Variants in RBFOX1 observed in about 807,000 individuals in gnomAD.
RBFOX1 encodes RNA binding fox-1 homolog 1, also known as RNA binding protein fox-1 homolog 1.
A neutral mutation model predicts 57.7 loss-of-function variants in RBFOX1; 8 were observed. The observed-to-expected ratio is 0.14, with a 90% CI of 0.08 to 0.25. The LOEUF (loss-of-function observed/expected upper bound fraction) is 0.25, where lower values mean the gene tolerates loss of function less well. Ranked by LOEUF, RBFOX1 falls within the 10% of genes least tolerant of loss-of-function variation. The pLI, the probability that RBFOX1 is intolerant of heterozygous loss-of-function variation, is 1.00. For synonymous variants in RBFOX1, 326 were observed against 222.4 expected (o/e 1.47, Z -4.15); for missense variants, 611 against 548.5 (o/e 1.11, Z -1.14).
At chr16:6,954,415 G>A (rs1175449181) in intron 3 of RBFOX1, among the ~76,000 whole-genome samples, 2 of 152,184 alleles carry the variant, frequency 1.3e-5, no homozygotes, top group East Asian at 1.9e-4. Flanking sequence ...TGCATTTAAT[G>A]ATTGGCATTT....
At chr16:5,802,570 A>C (rs888238029) in intron 3 of RBFOX1, among the ~76,000 whole-genome samples, 2 of 152,122 alleles carry the variant, frequency 1.3e-5, no homozygotes, top group African/African-American at 4.8e-5. Context: ...CTACGGGGAG[A>C]AAGTTTTCAG....
At chr16:7,590,582 G>A (rs531668335) in intron 7 of RBFOX1, among the ~76,000 whole-genome samples, 8 of 152,158 alleles carry the variant, frequency 5.3e-5, no homozygotes, top group Admixed American at 2.6e-4. Flanking sequence ...ATATCTGGCC[G>A]TGTGCGGTGG....
chr16:6,954,230 T>A (rs1179252939), intron 3 of RBFOX1, among the ~76,000 whole-genome samples: 1 of 150,656 alleles, frequency 6.6e-6, no homozygotes, highest in Admixed American at 6.6e-5. Flanking sequence ...CAACGGGGTG[T>A]TGATTTTGAA....
At chr16:6,142,353 C>T (rs1382773117) in intron 1 of RBFOX1, among the ~76,000 whole-genome samples, 3 of 151,394 alleles carry the variant, frequency 2.0e-5, no homozygotes, top group African/African-American at 7.3e-5. Flanking sequence ...TCCCGAGTAG[C>T]TGGGACTACA....
intron 1 of RBFOX1, among the ~76,000 whole-genome samples, chr16:5,345,707 A>G (rs13333170): frequency 0.12 from 18,640 of 152,208 alleles, 2,843 homozygotes; most frequent in African/African-American, 0.37. Flanking sequence ...GGGAGAAGCC[A>G]TCTCTTTCCG....
Position 5,924,702 on chromosome 16 carries a change from A to G in RBFOX1, c.351+57367A>G, listed in dbSNP as rs931273923. ...TCATTCTAAATTACCCAGCCTATGT[A>G]TTCTTTTATAGCAACACAAGTGGTC... On this transcript the variant is annotated intron_variant, in intron 4 of 19. Coordinates refer to the RBFOX1 transcript ENST00000641259. 5.3e-5 allele frequency among the ~76,000 whole-genome samples: 8 copies of G among 152,166 alleles called. 1 individual carries two copies. The highest frequency in any genetic ancestry group is 1.9e-4 in the African/African-American group (8 of 41,434).
chr16:6,581,999 G>T (rs958237899), intron 2 of RBFOX1, among the ~76,000 whole-genome samples: 2 of 152,170 alleles, frequency 1.3e-5, no homozygotes, highest in African/African-American at 4.8e-5. Flanking sequence ...TTGAAGGGAT[G>T]CTACCAGCAT....
intron 3 of RBFOX1, among the ~76,000 whole-genome samples, chr16:5,679,052 A>G (rs1422652341): frequency 6.6e-6 from 1 of 152,214 alleles, no homozygotes; most frequent in Non-Finnish European, 1.5e-5. Context: ...GCAGTTAATC[A>G]CTTTTATGAA....
intron 3 of RBFOX1, among the ~76,000 whole-genome samples, chr16:5,652,091 A>AC (rs1235357982): frequency 6.6e-6 from 1 of 152,112 alleles, no homozygotes; most frequent in Non-Finnish European, 1.5e-5. Context: ...CCAAGATAAC[A>AC]CCACTGCATT....
intron 2 of RBFOX1, among the ~76,000 whole-genome samples, chr16:6,480,889 T>C (rs142128543): frequency 0.015 from 2,246 of 152,326 alleles, 36 homozygotes; most frequent in South Asian, 0.049. Context: ...TTCACTGCTA[T>C]ATGGTATTCC....
chr16:6,144,904 T>A (rs1183156700), intron 1 of RBFOX1, among the ~76,000 whole-genome samples: 1 of 152,222 alleles, frequency 6.6e-6, no homozygotes, highest in Non-Finnish European at 1.5e-5. Context: ...TGGTCTGTTG[T>A]ACCTGTGGAG....
intron 4 of RBFOX1, among the ~76,000 whole-genome samples, chr16:5,911,560 G>A (rs1023752549): frequency 2.0e-5 from 3 of 152,212 alleles, no homozygotes; most frequent in Admixed American, 1.3e-4. Flanking sequence ...CGTGCACCAT[G>A]CACTAATCCC....
intron 3 of RBFOX1, among the ~76,000 whole-genome samples, chr16:6,787,295 C>G (rs1332537379): frequency 6.6e-6 from 1 of 152,146 alleles, no homozygotes; most frequent in Non-Finnish European, 1.5e-5. Flanking sequence ...AGAGCAAAAG[C>G]CAGGTTGGTC....
At chr16:6,849,475 C>T (rs1003147965) in intron 3 of RBFOX1, among the ~76,000 whole-genome samples, 1 of 152,144 alleles carries the variant, frequency 6.6e-6, no homozygotes, top group Non-Finnish European at 1.5e-5. Context: ...CGAGACCAGC[C>T]TCGCCAATAT....
chr16:7,339,954 A>G (rs559305934), intron 4 of RBFOX1, among the ~76,000 whole-genome samples: 1 of 152,272 alleles, frequency 6.6e-6, no homozygotes, highest in South Asian at 2.1e-4. Flanking sequence ...GGTGGAAAAG[A>G]TGGTTCTTGG....
intron 3 of RBFOX1, among the ~76,000 whole-genome samples, chr16:6,785,987 T>G (rs1011471509): frequency 2.0e-5 from 3 of 152,156 alleles, no homozygotes; most frequent in Admixed American, 1.3e-4. Flanking sequence ...TCCTTCCAAA[T>G]AGCTGCTCCT....
chr16:6,202,070 A>G (rs2097219007), intron 1 of RBFOX1, among the ~76,000 whole-genome samples: 1 of 152,214 alleles, frequency 6.6e-6, no homozygotes. Context: ...ATTAAAAACA[A>G]AACAAAACAA....
At chr16:6,561,070 G>A (rs907752232) in intron 2 of RBFOX1, among the ~76,000 whole-genome samples, 4 of 152,150 alleles carry the variant, frequency 2.6e-5, no homozygotes, top group African/African-American at 9.7e-5. Context: ...GTTGCTATGT[G>A]CAGCTGTTTT....
At chr16:5,716,056 T>C (rs2051686994) in intron 3 of RBFOX1, among the ~76,000 whole-genome samples, 1 of 152,212 alleles carries the variant, frequency 6.6e-6, no homozygotes, top group East Asian at 1.9e-4. Context: ...AAAATCACCA[T>C]TGATGATGTC....
Sources: allele counts gnomAD v4.1 joint callset (sites outside exome capture counted in the v4.1 genomes callset), GRCh38; gene constraint gnomAD v4.1.1; transcripts MANE v1.5; gene names NCBI Gene and HGNC (gene_info 2026-07-23, HGNC 2026-07-21).